NKAIN3: variants seen among roughly 807,000 people sequenced by gnomAD.
NKAIN3 encodes sodium/potassium transporting ATPase interacting 3.
In NKAIN3, 25 loss-of-function variants were observed where a neutral mutation model predicts 30.2. The ratio of observed to expected loss-of-function variants is 0.83; its 90% CI spans 0.60 to 1.16. The LOEUF (loss-of-function observed/expected upper bound fraction) is 1.16, where lower values mean the gene tolerates loss of function less well. Ranked by LOEUF, NKAIN3 falls within the 50% of genes most tolerant of loss-of-function variation. NKAIN3 has a pLI of 0.00. For missense variants in NKAIN3, 225 were observed against 254.1 expected, an observed-to-expected ratio of 0.89 and a Z score of 0.78; for synonymous variants, 91 against 89.6, an observed-to-expected ratio of 1.02 and a Z score of -0.09.
At chr8:62,894,380 T>C (rs918778094) in intron 4 of NKAIN3, among the ~76,000 whole-genome samples, 2 of 152,224 alleles carry the variant, frequency 1.3e-5, no homozygotes, top group African/African-American at 2.4e-5. Context: ...ATCTTTTTCT[T>C]GAACACTCGA....
At chr8:62,947,695 G>A (rs1386881051) in intron 5 of NKAIN3, among the ~76,000 whole-genome samples, 1 of 152,110 alleles carries the variant, frequency 6.6e-6, no homozygotes, top group African/African-American at 2.4e-5. Context: ...GCTATATTTG[G>A]TTGCTAGCCC....
At chr8:62,318,640 G>A (rs1814749944) in intron 1 of NKAIN3, among the ~76,000 whole-genome samples, 1 of 152,120 alleles carries the variant, frequency 6.6e-6, no homozygotes, top group Non-Finnish European at 1.5e-5. Flanking sequence ...TACGTTTATT[G>A]ATTTGCATAT....
intron 4 of NKAIN3, among the ~76,000 whole-genome samples, chr8:62,783,538 G>A (rs1468940308): frequency 2.0e-5 from 3 of 150,922 alleles, no homozygotes; most frequent in Non-Finnish European, 4.4e-5. Flanking sequence ...CACAACACTA[G>A]CAACCAAGTT....
At chr8:62,864,299 A>G (rs1228259719) in intron 4 of NKAIN3, 2 of 1,368,832 alleles carry the variant, frequency 1.5e-6, no homozygotes, top group South Asian at 1.2e-5. Context: ...GACCAGGAAG[A>G]GAAAGAAGAC....
chr8:62,782,606 G>A (rs1817385204), intron 4 of NKAIN3, among the ~76,000 whole-genome samples: 1 of 151,530 alleles, frequency 6.6e-6, no homozygotes, highest in Non-Finnish European at 1.5e-5. Flanking sequence ...ATAGAATAAA[G>A]TCATGTCATT....
chr8:62,863,247 CT>C, intron 4 of NKAIN3: 1 of 1,566,936 alleles, frequency 6.4e-7, no homozygotes, highest in Non-Finnish European at 8.7e-7. Context: ...TCAGTTTTTT[CT>C]TTTTGTTTTT....
At chr8:62,610,983 A>G (rs1811271087) in intron 3 of NKAIN3, among the ~76,000 whole-genome samples, 2 of 152,144 alleles carry the variant, frequency 1.3e-5, no homozygotes, top group African/African-American at 2.4e-5. Context: ...TTGGCATAAT[A>G]GTTGATGTAC....
chr8:62,267,531 A>C (rs1337269943), intron 1 of NKAIN3, among the ~76,000 whole-genome samples: 1 of 152,140 alleles, frequency 6.6e-6, no homozygotes, highest in Non-Finnish European at 1.5e-5. Context: ...AATGTTCCAC[A>C]TTGCTTTACT....
chr8:62,825,562 A>G (rs1353300387), intron 4 of NKAIN3, among the ~76,000 whole-genome samples: 2 of 152,058 alleles, frequency 1.3e-5, no homozygotes, highest in African/African-American at 2.4e-5. Context: ...GTCTTTATGC[A>G]TAGCTATATT....
intron 1 of NKAIN3, among the ~76,000 whole-genome samples, chr8:62,450,460 G>T (rs375904421): frequency 2.0e-5 from 3 of 152,062 alleles, no homozygotes; most frequent in African/African-American, 7.2e-5. Flanking sequence ...CAGAGCAAAC[G>T]CCACTTAATC....
intron 1 of NKAIN3, among the ~76,000 whole-genome samples, chr8:62,561,353 T>A (rs1044725225): frequency 6.6e-6 from 1 of 152,226 alleles, no homozygotes; most frequent in African/African-American, 2.4e-5. Context: ...TAGAAAAGCA[T>A]GTCTACTACA....
intron 1 of NKAIN3, among the ~76,000 whole-genome samples, chr8:62,281,765 T>G (rs187458938): frequency 6.6e-6 from 1 of 152,292 alleles, no homozygotes; most frequent in East Asian, 1.9e-4. Flanking sequence ...TGCATATATG[T>G]AAACTTATGC....
chr8:62,945,243 C>T (rs561785000), intron 5 of NKAIN3, among the ~76,000 whole-genome samples: 1 of 152,168 alleles, frequency 6.6e-6, no homozygotes, highest in African/African-American at 2.4e-5. Flanking sequence ...GGAGATAGAA[C>T]ATGTGCAGAA....
intron 1 of NKAIN3, among the ~76,000 whole-genome samples, chr8:62,345,358 T>C (rs558631502): frequency 1.2e-3 from 14 of 11,888 alleles, no homozygotes; most frequent in East Asian, 7.4e-3. Flanking sequence ...CATATACACA[T>C]ATATGTATAT....
intron 3 of NKAIN3, among the ~76,000 whole-genome samples, chr8:62,652,035 G>C (rs937033667): frequency 6.6e-6 from 1 of 152,024 alleles, no homozygotes; most frequent in Non-Finnish European, 1.5e-5. Flanking sequence ...CACAAGAATG[G>C]CCTAACATAC....
chr8:62,939,683 T>C (rs1251579342), intron 5 of NKAIN3, among the ~76,000 whole-genome samples: 2 of 151,960 alleles, frequency 1.3e-5, no homozygotes, highest in East Asian at 3.9e-4. Flanking sequence ...AAAGATATAG[T>C]CTTTTCAGAC....
In NKAIN3 at chr8:62,765,888, T is replaced by C. The variant is rs188236068; in HGVS notation, c.471+18759T>C. Among the ~76,000 whole-genome samples the C allele has an allele frequency of 6.7e-4, 102 of 152,266 alleles. 1 individual carries two copies. The Middle Eastern group carries it at 0.01, about 15-fold the overall frequency. Reference sequence around the variant, plus strand: ...TATAAGATTAGTATTCATATTCAATTAATATTTCATTATAATTTTAAAAAT... The same window carrying C: ...TATAAGATTAGTATTCATATTCAATCAATATTTCATTATAATTTTAAAAAT... On this transcript the variant is annotated intron_variant, in intron 4 of 6. Transcript: ENST00000623646.
At chr8:62,774,258 A>T (rs1817110456) in intron 4 of NKAIN3, among the ~76,000 whole-genome samples, 2 of 152,162 alleles carry the variant, frequency 1.3e-5, no homozygotes, top group South Asian at 4.1e-4. Context: ...TTGATTTTGT[A>T]TCCTGCAACT....
chr8:62,772,413 GTCTTC>G (rs1817047604), intron 4 of NKAIN3, among the ~76,000 whole-genome samples: 1 of 152,154 alleles, frequency 6.6e-6, no homozygotes. Flanking sequence ...AACGTCCAAA[GTCTTC>G]TCCACAGTAG....
Sources: allele counts gnomAD v4.1 joint callset (sites outside exome capture counted in the v4.1 genomes callset), GRCh38; gene constraint gnomAD v4.1.1; transcripts MANE v1.5; gene names NCBI Gene and HGNC (gene_info 2026-07-23, HGNC 2026-07-21).